Variants in TRIM2 observed in about 807,000 individuals in gnomAD.
The protein encoded by TRIM2 is tripartite motif containing 2.
Under a neutral mutation model 75.2 loss-of-function variants are expected in TRIM2, and 20 were observed. The observed-to-expected ratio is 0.27, with a 90% CI of 0.19 to 0.39. TRIM2 has a LOEUF of 0.39. Ranked by LOEUF, TRIM2 falls within the 10% of genes least tolerant of loss-of-function variation. The pLI is 1.00. For synonymous variants in TRIM2, 373 were observed against 388.3 expected (o/e 0.96, Z 0.46); for missense variants, 660 against 990.8 (o/e 0.67, Z 4.48).
At chr4:153,277,987 G>T (rs1416156341) in intron 3 of TRIM2, among the ~76,000 whole-genome samples, 2 of 152,244 alleles carry the variant, frequency 1.3e-5, no homozygotes, top group African/African-American at 4.8e-5. Context: ...CTAGTTATGG[G>T]AAGGTATTTC....
At chr4:153,243,477 A>T (rs1747215161) in intron 1 of TRIM2, among the ~76,000 whole-genome samples, 1 of 152,180 alleles carries the variant, frequency 6.6e-6, no homozygotes, top group Non-Finnish European at 1.5e-5. Flanking sequence ...TCCTTGCTAG[A>T]TCCCAGATCC....
At chr4:153,161,615 TA>T (rs1729746606) in intron 1 of TRIM2, among the ~76,000 whole-genome samples, 2 of 152,226 alleles carry the variant, frequency 1.3e-5, no homozygotes, top group Non-Finnish European at 2.9e-5. Context: ...GTTCCCTGCT[TA>T]GTGAGTGCTT....
chr4:153,325,818 T>C (rs1432419206), intron 10 of TRIM2, among the ~76,000 whole-genome samples: 1 of 152,196 alleles, frequency 6.6e-6, no homozygotes, highest in Non-Finnish European at 1.5e-5. Flanking sequence ...TGTCCAGTGC[T>C]CCAGGCAACC....
intron 1 of TRIM2, among the ~76,000 whole-genome samples, chr4:153,234,561 A>G (rs931120915): frequency 4.6e-5 from 7 of 152,226 alleles, no homozygotes; most frequent in Non-Finnish European, 1.0e-4. Flanking sequence ...AACTGAATGT[A>G]GAAGTATGCA....
chr4:153,212,449 T>A (rs1737306591), intron 1 of TRIM2, among the ~76,000 whole-genome samples: 1 of 152,170 alleles, frequency 6.6e-6, no homozygotes, highest in South Asian at 2.1e-4. Context: ...TGTACATTAC[T>A]CAGATGATGA....
intron 7 of TRIM2, 108 bp from the exon 8 acceptor site, chr4:153,315,722 TAG>T (rs1767442794): frequency 6.8e-7 from 1 of 1,475,174 alleles, no homozygotes; most frequent in African/African-American, 1.4e-5. Context: ...TTTCTTCAAA[TAG>T]AGTTTGCGTG....
chr4:153,273,564 A>AT (rs1757374774), intron 2 of TRIM2, among the ~76,000 whole-genome samples: 1 of 148,950 alleles, frequency 6.7e-6, no homozygotes, highest in South Asian at 2.1e-4. Context: ...GAGTGCTGGC[A>AT]TTACAGGCGT....
At chr4:153,317,042 G>A (rs1767796613) in intron 8 of TRIM2, among the ~76,000 whole-genome samples, 1 of 151,330 alleles carries the variant, frequency 6.6e-6, no homozygotes, top group Non-Finnish European at 1.5e-5. Context: ...CACCACGCCC[G>A]GCTAACTTTT....
intron 1 of TRIM2, among the ~76,000 whole-genome samples, chr4:153,178,090 C>T (rs1432594881): frequency 6.6e-6 from 1 of 152,142 alleles, no homozygotes; most frequent in Admixed American, 6.5e-5. Flanking sequence ...CTGTGAGCCA[C>T]CGCACCTGGC....
intron 3 of TRIM2, among the ~76,000 whole-genome samples, chr4:153,281,064 A>G (rs1476171757): frequency 6.6e-6 from 1 of 152,236 alleles, no homozygotes; most frequent in East Asian, 1.9e-4. Context: ...AATAACTCAG[A>G]AAATCCACAG....
At chr4:153,175,017 GT>G (rs142893145) in intron 1 of TRIM2, among the ~76,000 whole-genome samples, 46 of 62,026 alleles carry the variant, frequency 7.4e-4, no homozygotes, top group African/African-American at 1.7e-3. Flanking sequence ...GTTTTGTTTT[GT>G]TTTTTTTTGA....
upstream of TRIM2, among the ~76,000 whole-genome samples, chr4:153,202,527 A>C (rs920410925): frequency 2.6e-5 from 4 of 151,566 alleles, no homozygotes; most frequent in Non-Finnish European, 5.9e-5. Context: ...TCTACTAAAA[A>C]ATAAATAAAT....
chr4:153,152,420 A>T (rs1039139858), upstream of TRIM2: 1 of 146,940 alleles, frequency 6.8e-6, no homozygotes, highest in African/African-American at 2.5e-5. Context: ...ATATATATAT[A>T]TATATATATA....
intron 1 of TRIM2, among the ~76,000 whole-genome samples, chr4:153,184,039 G>A (rs1225147721): frequency 6.6e-6 from 1 of 152,184 alleles, no homozygotes; most frequent in African/African-American, 2.4e-5. Flanking sequence ...GTCTGCAGCA[G>A]TGGAAGGCTA....
upstream of TRIM2, among the ~76,000 whole-genome samples, chr4:153,204,121 T>G (rs1734777609): frequency 6.6e-6 from 1 of 152,198 alleles, no homozygotes; most frequent in African/African-American, 2.4e-5. Context: ...GCAACATAAA[T>G]ATCTGTGGCT....
chr4:153,214,670 C>G (rs1738004105), intron 1 of TRIM2, among the ~76,000 whole-genome samples: 1 of 152,092 alleles, frequency 6.6e-6, no homozygotes, highest in Non-Finnish European at 1.5e-5. Context: ...TTTCTTAGAC[C>G]AAGCCAGTGT....
Position 153,324,070 on chromosome 4 carries a change from T to G in TRIM2, c.1952-8T>G. On this transcript the variant is annotated splice_region_variant and splice_polypyrimidine_tract_variant and intron_variant, in intron 9 of 11. Transcript: ENST00000338700. ...GTCATCACATATTTTTTTCCATCTT[T>G]ATTGCAGGTCCCCATTTTGCAGCTG... is the stretch of plus-strand genomic sequence containing the variant. 8.7e-6 allele frequency: 14 copies of G among 1,611,524 alleles called. No individual in the cohort carries two copies. Among genetic ancestry groups the G allele is most frequent in the Non-Finnish European group, 1.2e-5 (14 of 1,178,926 alleles).
At chr4:153,316,576 G>GA (rs958171435) in intron 8 of TRIM2, among the ~76,000 whole-genome samples, 2 of 150,540 alleles carry the variant, frequency 1.3e-5, no homozygotes, top group Admixed American at 6.6e-5. Flanking sequence ...ATGGGACTTG[G>GA]AAAAAAAAAG....
chr4:153,217,456 T>C (rs1395496390), intron 1 of TRIM2, among the ~76,000 whole-genome samples: 1 of 152,128 alleles, frequency 6.6e-6, no homozygotes, highest in Non-Finnish European at 1.5e-5. Context: ...GGCAAGAAAG[T>C]GCAGGTCAGT....
Sources: allele counts gnomAD v4.1 joint callset (sites outside exome capture counted in the v4.1 genomes callset), GRCh38; gene constraint gnomAD v4.1.1; transcripts MANE v1.5; gene names NCBI Gene and HGNC (gene_info 2026-07-23, HGNC 2026-07-21).